The following CSMD2 variants were observed in gnomAD, a reference collection of about 807,000 sequenced individuals.
CSMD2 encodes the protein CUB and sushi domain-containing protein 2.
In CSMD2, 130 loss-of-function variants were observed where a neutral mutation model predicts 398.5. The observed-to-expected ratio is 0.33, with a 90% CI of 0.28 to 0.38. The LOEUF is 0.38. Ranked by LOEUF, CSMD2 falls within the 10% of genes least tolerant of loss-of-function variation. The pLI, the probability that CSMD2 is intolerant of heterozygous loss-of-function variation, is 1.00. For synonymous variants in CSMD2, 1,828 were observed against 1,908.5 expected, an observed-to-expected ratio of 0.96 and a Z score of 1.10; for missense variants, 3,829 against 4,764.9, an observed-to-expected ratio of 0.80 and a Z score of 5.78.
chr1:33,552,060 C>T lies in CSMD2; in HGVS notation c.8744-1710G>A, dbSNP rs181045685. ...CATGTGGGGCAGAGATGAGCTGTCT[C>T]TACTAAACCCTGCCAGAATTGCCAA... On this transcript the variant is annotated intron_variant, in intron 55 of 70. Coordinates refer to ENST00000373381, the MANE Select transcript of CSMD2 (RefSeq NM_001281956.2). Among the ~76,000 whole-genome samples, 93 of 152,322 alleles carry T rather than the reference C, an allele frequency of 6.1e-4. 1 individual carries two copies. The highest frequency in any genetic ancestry group is 2.1e-3 in the African/African-American group (89 of 41,564).
intron 3 of CSMD2, among the ~76,000 whole-genome samples, chr1:34,015,773 T>C (rs1648000622): frequency 6.6e-6 from 1 of 152,172 alleles, no homozygotes; most frequent in Non-Finnish European, 1.5e-5. Context: ...TTTAAAGTAT[T>C]ATAGATCCAT....
rs143173205 is a variant in CSMD2, at chr1:33,635,271, G to T, written c.5029C>A (p.Gln1677Lys). ...CAGATCTGTCCACTGGTGTAGTTCTGGGGGTAGTTGGGGGACAAGACCACT... is the reference window on the plus strand; with the variant it reads ...CAGATCTGTCCACTGGTGTAGTTCTTGGGGTAGTTGGGGGACAAGACCACT... ...DGVVLSPNYP[Q>K]NYTSGQICLY... Residue 1677 changes from glutamine (Q) to lysine (K), a missense_variant, in exon 31 of 71, where the codon CAG (glutamine) becomes AAG (lysine). Gln to Lys is a moderately conservative substitution (Grantham distance 53). Coordinates refer to ENST00000373381, the MANE Select transcript of CSMD2 (RefSeq NM_001281956.2). This position sits in a 1 kb window ranked among gnomAD's most constrained non-coding sequence, Gnocchi z 5.0. 57 of 1,612,054 alleles carry T rather than the reference G, an allele frequency of 3.5e-5. No individual in the cohort carries two copies. In the Middle Eastern group the frequency reaches 1.2e-3, roughly 33 times the overall value.
At chr1:33,819,416 A>G (rs1657842456) in intron 9 of CSMD2, among the ~76,000 whole-genome samples, 1 of 152,240 alleles carries the variant, frequency 6.6e-6, no homozygotes, top group Non-Finnish European at 1.5e-5. Flanking sequence ...TTCAGTATCC[A>G]TTCAATGAGG....
intron 22 of CSMD2, among the ~76,000 whole-genome samples, chr1:33,702,002 T>C (rs1238302110): frequency 6.6e-6 from 1 of 152,086 alleles, no homozygotes. Flanking sequence ...TCAGACCTGA[T>C]CAGATCAAGC....
intron 5 of CSMD2, chr1:33,864,702 C>G (rs571098519): frequency 1.4e-5 from 22 of 1,613,028 alleles, no homozygotes; most frequent in Non-Finnish European, 1.8e-5. Flanking sequence ...GAAGAAGTAC[C>G]GAATGTCAGC....
intron 13 of CSMD2, among the ~76,000 whole-genome samples, chr1:33,770,064 C>G (rs1189253987): frequency 6.6e-6 from 1 of 152,198 alleles, no homozygotes; most frequent in Non-Finnish European, 1.5e-5. Flanking sequence ...TTAACATTGT[C>G]TCTCAATCGA....
chr1:33,790,434 T>C (rs900901337), intron 11 of CSMD2, among the ~76,000 whole-genome samples: 4 of 152,184 alleles, frequency 2.6e-5, no homozygotes, highest in Admixed American at 2.6e-4. Flanking sequence ...CCTGTCCAAT[T>C]GGCTTTAAAC....
chr1:33,949,043 T>C (rs1336803736), intron 3 of CSMD2, among the ~76,000 whole-genome samples: 1 of 152,196 alleles, frequency 6.6e-6, no homozygotes, highest in Non-Finnish European at 1.5e-5. Context: ...GGAGCTGTAC[T>C]CTGGGTTCAT....
chr1:33,670,484 C>T (rs1644460800), intron 25 of CSMD2, among the ~76,000 whole-genome samples: 1 of 152,156 alleles, frequency 6.6e-6, no homozygotes, highest in Non-Finnish European at 1.5e-5. Flanking sequence ...AGGATACTTC[C>T]TATTTCTCTG....
intron 5 of CSMD2, among the ~76,000 whole-genome samples, chr1:33,848,256 A>C (rs1638429329): frequency 1.3e-5 from 2 of 152,238 alleles, no homozygotes. Flanking sequence ...AGCAGAGAGA[A>C]AATAGTTATC....
intron 25 of CSMD2, among the ~76,000 whole-genome samples, chr1:33,687,698 T>C (rs1311287402): frequency 6.6e-6 from 1 of 151,776 alleles, no homozygotes; most frequent in Non-Finnish European, 1.5e-5. Flanking sequence ...ACAAAAAGTT[T>C]GAAAAGTAAA....
intron 6 of CSMD2, among the ~76,000 whole-genome samples, chr1:33,835,872 C>A (rs1660192274): frequency 1.3e-5 from 2 of 152,144 alleles, no homozygotes; most frequent in South Asian, 4.1e-4. Flanking sequence ...TCGTCAAAGT[C>A]ATTCTCTGTC....
intron 3 of CSMD2, among the ~76,000 whole-genome samples, chr1:33,984,158 C>T (rs367905165): frequency 1.0e-5 from 1 of 97,782 alleles, no homozygotes; most frequent in Non-Finnish European, 1.9e-5. Flanking sequence ...TGTCTCCCCC[C>T]ACCAAAAAAA....
chr1:33,685,354 CTGATA>C (rs1311430452), intron 25 of CSMD2, among the ~76,000 whole-genome samples: 1 of 152,218 alleles, frequency 6.6e-6, no homozygotes, highest in Admixed American at 6.5e-5. Context: ...TCATTCCTAA[CTGATA>C]TAATTTCTGT....
chr1:33,998,334 C>T (rs1464910628), intron 3 of CSMD2, among the ~76,000 whole-genome samples: 1 of 152,132 alleles, frequency 6.6e-6, no homozygotes, highest in Non-Finnish European at 1.5e-5. Context: ...ATTTCTCAGC[C>T]TCCATAACTC....
intron 1 of CSMD2, among the ~76,000 whole-genome samples, chr1:34,090,412 G>A (rs905635716): frequency 6.6e-5 from 10 of 152,016 alleles, no homozygotes; most frequent in Non-Finnish European, 1.0e-4. Context: ...TCCGATTTGG[G>A]GGACTTCCCA....
chr1:33,692,797 C>T, intron 25 of CSMD2, 133 bp downstream of exon 25: 3 of 1,137,416 alleles, frequency 2.6e-6, no homozygotes, highest in Non-Finnish European at 3.8e-6. Context: ...TCCAGTATAG[C>T]AACCACTATT....
At chr1:33,627,469 CGCT>C (rs1223559158) in intron 32 of CSMD2, among the ~76,000 whole-genome samples, 2 of 152,116 alleles carry the variant, frequency 1.3e-5, no homozygotes, top group Non-Finnish European at 2.9e-5. Flanking sequence ...CCCTGAGAAG[CGCT>C]GCTGACCCCA....
At chr1:33,540,500 C>T in intron 60 of CSMD2, 25 bp downstream of exon 60, 1 of 1,613,156 alleles carries the variant, frequency 6.2e-7, no homozygotes, top group Non-Finnish European at 8.5e-7. Flanking sequence ...AGAGGATGCA[C>T]CAAAGGCCCT....
Sources: allele counts gnomAD v4.1 joint callset (sites outside exome capture counted in the v4.1 genomes callset), GRCh38; gene constraint gnomAD v4.1.1; non-coding constraint Gnocchi (gnomAD v3.1); transcripts MANE v1.5; gene names NCBI Gene and HGNC (gene_info 2026-07-23, HGNC 2026-07-21).